The following NRG1 variants were observed in gnomAD, a reference collection of about 807,000 sequenced individuals.
The protein encoded by NRG1 is pro-neuregulin-1, membrane-bound isoform.
In NRG1, 18 loss-of-function variants were observed where a neutral mutation model predicts 63.8. The observed-to-expected ratio is 0.28, with a 90% CI of 0.19 to 0.42. The LOEUF is 0.42. Among genes scored for constraint, NRG1 ranks in the 10% least tolerant of loss-of-function variants. NRG1 has a pLI of 1.00. For synonymous variants in NRG1, 302 were observed against 301.3 expected (o/e 1.00, Z -0.02); for missense variants, 762 against 814.7 (o/e 0.94, Z 0.79).
intron 1 of NRG1, among the ~76,000 whole-genome samples, chr8:31,916,068 C>G (rs1225985622): frequency 6.6e-6 from 1 of 151,894 alleles, no homozygotes; most frequent in Non-Finnish European, 1.5e-5. Flanking sequence ...ACATTTTCTT[C>G]TAATATTTTG....
chr8:32,311,287 A>C (rs1856780103), intron 1 of NRG1, among the ~76,000 whole-genome samples: 1 of 152,212 alleles, frequency 6.6e-6, no homozygotes, highest in African/African-American at 2.4e-5. Flanking sequence ...TAAAAGGGAA[A>C]TCAATAAGCT....
chr8:32,636,939 G>A (rs1260522710), intron 5 of NRG1, among the ~76,000 whole-genome samples: 2 of 152,078 alleles, frequency 1.3e-5, no homozygotes, highest in Non-Finnish European at 2.9e-5. Context: ...AAAAAAATAA[G>A]CAAGTGGAGG....
intron 1 of NRG1, among the ~76,000 whole-genome samples, chr8:32,065,375 C>G (rs967008012): frequency 3.9e-5 from 6 of 152,040 alleles, no homozygotes; most frequent in Non-Finnish European, 8.8e-5. Context: ...CACAACAGGC[C>G]CCAGTGTGTG....
At chr8:32,721,301 T>G (rs1423857623) in intron 5 of NRG1, among the ~76,000 whole-genome samples, 4 of 152,216 alleles carry the variant, frequency 2.6e-5, no homozygotes, top group Non-Finnish European at 5.9e-5. Context: ...GTTTGAACAA[T>G]GCCAAAGCCC....
chr8:31,858,473 GCAA>G (rs1030725531), intron 1 of NRG1, among the ~76,000 whole-genome samples: 3 of 152,118 alleles, frequency 2.0e-5, no homozygotes, highest in African/African-American at 7.2e-5. Context: ...ATTCTGTGCA[GCAA>G]CAACAACAAA....
chr8:32,375,155 T>C (rs1809457758), intron 1 of NRG1, among the ~76,000 whole-genome samples: 1 of 151,964 alleles, frequency 6.6e-6, no homozygotes. Flanking sequence ...GATATAGTTT[T>C]TTTTTTAGAG....
At chr8:31,858,795 C>T (rs907872545) in intron 1 of NRG1, among the ~76,000 whole-genome samples, 1 of 152,146 alleles carries the variant, frequency 6.6e-6, no homozygotes, top group Non-Finnish European at 1.5e-5. Context: ...CAGGACAACG[C>T]CCGACTGCAT....
intron 1 of NRG1, among the ~76,000 whole-genome samples, chr8:32,463,153 T>C (rs1822546255): frequency 6.6e-6 from 1 of 152,192 alleles, no homozygotes; most frequent in African/African-American, 2.4e-5. Flanking sequence ...GTTGGATAAT[T>C]ATTCCATTGT....
intron 1 of NRG1, among the ~76,000 whole-genome samples, chr8:31,696,458 G>C (rs1810069915): frequency 1.3e-5 from 2 of 152,112 alleles, no homozygotes; most frequent in Admixed American, 6.5e-5. Context: ...TAACTAGGAG[G>C]GAAAAAAACT....
At chr8:31,919,689 C>G (rs1172286679) in intron 1 of NRG1, among the ~76,000 whole-genome samples, 1 of 152,026 alleles carries the variant, frequency 6.6e-6, no homozygotes, top group Non-Finnish European at 1.5e-5. Flanking sequence ...ACACATTGAA[C>G]ATTTTCATGG....
At chr8:32,370,507 A>G (rs895806647) in intron 1 of NRG1, among the ~76,000 whole-genome samples, 1 of 152,262 alleles carries the variant, frequency 6.6e-6, no homozygotes, top group East Asian at 1.9e-4. Context: ...ATTCAGTACA[A>G]GCAGACATCA....
At chr8:32,435,261 G>T (rs1012874509) in intron 1 of NRG1, among the ~76,000 whole-genome samples, 4 of 152,092 alleles carry the variant, frequency 2.6e-5, no homozygotes, top group African/African-American at 4.8e-5. Flanking sequence ...TTTGCCTATT[G>T]GTTAGGTGGG....
chr8:32,495,288 GTGGT>G (rs1215987167), intron 1 of NRG1, among the ~76,000 whole-genome samples: 1 of 152,140 alleles, frequency 6.6e-6, no homozygotes, highest in East Asian at 1.9e-4. Context: ...ACGAGATCTG[GTGGT>G]TTTATAAAGG....
intron 1 of NRG1, among the ~76,000 whole-genome samples, chr8:32,227,616 G>A (rs758390123): frequency 6.6e-6 from 1 of 152,096 alleles, no homozygotes; most frequent in African/African-American, 2.4e-5. Context: ...TTTTCCTGAG[G>A]CTTGAGAAGG....
chr8:31,841,823 T>G (rs915323547), intron 1 of NRG1, among the ~76,000 whole-genome samples: 2 of 152,156 alleles, frequency 1.3e-5, no homozygotes, highest in South Asian at 4.1e-4. Context: ...TTTTTTACAT[T>G]TGTAAGATTT....
In NRG1 at chr8:31,822,295, T is replaced by G. The variant is rs182421174; in HGVS notation, c.37+182864T>G. On this transcript the variant is annotated intron_variant, in intron 1 of 10. Coordinates refer to the NRG1 transcript ENST00000519301. Reference sequence around the variant, plus strand: ...CAGAGGATAAATGTTGTAGTTTCATTTGATTATCTCTATGTGGATGCTCAC... The same window carrying G: ...CAGAGGATAAATGTTGTAGTTTCATGTGATTATCTCTATGTGGATGCTCAC... Among the ~76,000 whole-genome samples, 137 of 152,326 alleles carry G rather than the reference T, an allele frequency of 9.0e-4. 1 individual carries two copies. Among genetic ancestry groups the G allele is most frequent in the Admixed American group, 4.4e-3 (67 of 15,304 alleles).
chr8:32,771,715 A>AATATATATATAT (rs1193253997), downstream of NRG1, among the ~76,000 whole-genome samples: 1 of 111,848 alleles, frequency 8.9e-6, no homozygotes, highest in African/African-American at 3.5e-5. Context: ...TTAAAAAAAA[A>AATATATATATAT]ATATATATAT....
Position 32,728,717 on chromosome 8 carries a change from C to G in NRG1, c.632+639C>G, listed in dbSNP as rs1223652705. The G allele has an allele frequency of 7.5e-5, 68 of 906,736 alleles. 1 individual carries two copies. The highest frequency in any genetic ancestry group is 8.8e-5 in the Non-Finnish European group (67 of 758,162). 56.2% of individuals were successfully genotyped at this position (906,736 alleles called of 1,614,324 possible). A position where few individuals can be genotyped will look rare whatever the true frequency, so the allele number is the denominator to read the frequency against. ...TTCTTTCATTTGTCTATAGATATAT[C>G]TAGAATAGCACTGTCTTTCCAATGA... On this transcript the variant is annotated intron_variant, in intron 6 of 11. Transcript: ENST00000356819.
At chr8:32,472,938 A>G (rs973433755) in intron 1 of NRG1, among the ~76,000 whole-genome samples, 1 of 152,184 alleles carries the variant, frequency 6.6e-6, no homozygotes, top group South Asian at 2.1e-4. Context: ...TGGAATTCTA[A>G]TAGTATTTTC....
Sources: gnomAD v4.1 joint callset for allele counts (sites outside exome capture counted in the v4.1 genomes callset) on GRCh38, gnomAD v4.1.1 for gene constraint, MANE v1.5 for transcripts, NCBI Gene and HGNC (gene_info 2026-07-23, HGNC 2026-07-21) for gene names.